The following SMCHD1 variants were observed in gnomAD, a reference collection of about 807,000 sequenced individuals.
The protein encoded by SMCHD1 is structural maintenance of chromosomes flexible hinge domain-containing protein 1.
A neutral mutation model predicts 254.7 loss-of-function variants in SMCHD1; 78 were observed. That is an observed-to-expected ratio of 0.31 (90% CI 0.26 to 0.37). The LOEUF is 0.37. Among genes scored for constraint, SMCHD1 ranks in the 10% least tolerant of loss-of-function variants. SMCHD1 has a pLI of 1.00. For synonymous variants in SMCHD1, 766 were observed against 794.9 expected, an observed-to-expected ratio of 0.96 and a Z score of 0.61; for missense variants, 1,840 against 2,408.1, an observed-to-expected ratio of 0.76 and a Z score of 4.94.
Position 2,738,395 on chromosome 18 carries a change from A to G in SMCHD1, c.3277-2A>G, listed in dbSNP as rs2075289917. The G allele has an allele frequency of 6.3e-7, 1 of 1,585,048 alleles. No individual in the cohort carries two copies. The highest frequency in any genetic ancestry group is 1.4e-5 in the African/African-American group (1 of 73,792). On this transcript the variant is annotated splice_acceptor_variant, in intron 25 of 47. Coordinates refer to ENST00000320876, the MANE Select transcript of SMCHD1 (RefSeq NM_015295.3). LOFTEE classifies it high-confidence loss of function. ...ATTGTTAAATATCTCTTTTTCTCCT[A>G]GGTTAATTGGACTCCTGAGATTAAC... is the stretch of plus-strand genomic sequence containing the variant.
intron 13 of SMCHD1, among the ~76,000 whole-genome samples, 185 bp from the exon 14 acceptor site, chr18:2,705,509 T>C (rs1248080508): frequency 6.6e-6 from 1 of 152,168 alleles, no homozygotes; most frequent in Non-Finnish European, 1.5e-5. Context: ...ATTTGTTAAG[T>C]ACAGAACTTC....
At chr18:2,762,284 A>G (rs753839163) in intron 36 of SMCHD1, 48 bp downstream of exon 36, 2 of 1,588,642 alleles carry the variant, frequency 1.3e-6, no homozygotes, top group Admixed American at 1.7e-5. Context: ...AAGAAAAATT[A>G]TCTTTGATTT....
chr18:2,718,011 T>C lies in SMCHD1; in HGVS notation c.2261-147T>C, dbSNP rs545930860. On this transcript the variant is annotated intron_variant, in intron 17 of 47. Coordinates refer to ENST00000320876, the MANE Select transcript of SMCHD1 (RefSeq NM_015295.3). The surrounding 1 kb of genome is among the most constrained non-coding windows in gnomAD (Gnocchi z 4.6). Reference sequence around the variant, plus strand: ...TTAACTATTATTATTGCTGTTCACTTTCATAGGATAGTGTTAGATCTTTTG... The same window carrying C: ...TTAACTATTATTATTGCTGTTCACTCTCATAGGATAGTGTTAGATCTTTTG... 124 of 582,642 alleles carry C rather than the reference T, an allele frequency of 2.1e-4. 1 individual carries two copies. The Admixed American group carries it at 3.7e-3, about 17-fold the overall frequency. 36.1% of individuals were successfully genotyped at this position (582,642 alleles called of 1,614,324 possible). A position where few individuals can be genotyped will look rare whatever the true frequency, so the allele number is the denominator to read the frequency against.
At chr18:2,775,454 T>G (rs554870618) in intron 41 of SMCHD1, among the ~76,000 whole-genome samples, 43 of 152,250 alleles carry the variant, frequency 2.8e-4, no homozygotes, top group African/African-American at 9.4e-4. Context: ...TCTAATTATT[T>G]CATCCCTGAA....
At chr18:2,794,984 G>C (rs1451195762) in intron 45 of SMCHD1, among the ~76,000 whole-genome samples, 1 of 151,516 alleles carries the variant, frequency 6.6e-6, no homozygotes, top group East Asian at 1.9e-4. Flanking sequence ...TTTAAGAAAA[G>C]TTAAGTTTTT....
intron 44 of SMCHD1, among the ~76,000 whole-genome samples, chr18:2,782,764 A>AACAAAAAC (rs1568380245): frequency 2.0e-5 from 3 of 150,568 alleles, no homozygotes; most frequent in African/African-American, 7.4e-5. Flanking sequence ...AAAAAAAAAA[A>AACAAAAAC]AAAAAAAAGA....
At chr18:2,741,494 C>T in intron 28 of SMCHD1, among the ~76,000 whole-genome samples, 1 of 152,146 alleles carries the variant, frequency 6.6e-6, no homozygotes, top group East Asian at 1.9e-4. Flanking sequence ...TACACTTTTT[C>T]TTAACAGAGC....
chr18:2,760,815 G>GAAAT, intron 35 of SMCHD1, 76 bp downstream of exon 35: 1 of 714,526 alleles, frequency 1.4e-6, no homozygotes, highest in East Asian at 2.7e-5. Context: ...TGCATTACAT[G>GAAAT]AAATAGCTTC....
Position 2,678,850 on chromosome 18 carries a change from TTTTTG to T in SMCHD1, c.638+4710_638+4714del, listed in dbSNP as rs1568118387. 1.9e-3 allele frequency among the ~76,000 whole-genome samples: 21 copies of T among 11,280 alleles called. No homozygotes were observed. In the Admixed American group the frequency reaches 0.034, roughly 18 times the overall value. The allele number at this position is 11,280 out of a possible 152,430, so 7.4% of individuals were successfully genotyped here. On this transcript the variant is annotated intron_variant, in intron 5 of 47. Coordinates refer to ENST00000320876, the MANE Select transcript of SMCHD1 (RefSeq NM_015295.3). ...TTTTTTTTTTTTTTGTTTGTTTGTT[TTTTTG>T]TTTTTTTTTTTGAGAGGGAGTCTTG...
intron 25 of SMCHD1, among the ~76,000 whole-genome samples, chr18:2,737,963 A>G (rs889363958): frequency 6.6e-6 from 1 of 152,232 alleles, no homozygotes; most frequent in Non-Finnish European, 1.5e-5. Context: ...CCAGAAAGTT[A>G]GATCAAACTT....
chr18:2,795,890 A>G, intron 45 of SMCHD1, 59 bp from the exon 46 acceptor site: 1 of 1,457,144 alleles, frequency 6.9e-7, no homozygotes, highest in Non-Finnish European at 9.2e-7. Context: ...TTTTTCCCCT[A>G]AAACATGAGT....
intron 7 of SMCHD1, among the ~76,000 whole-genome samples, chr18:2,693,365 A>T (rs2074220437): frequency 6.6e-6 from 1 of 152,212 alleles, no homozygotes; most frequent in Non-Finnish European, 1.5e-5. Flanking sequence ...ACAAACTTAG[A>T]TGGCATAGCC....
At chr18:2,764,738 G>A (rs182693255) in intron 37 of SMCHD1, among the ~76,000 whole-genome samples, 6 of 152,240 alleles carry the variant, frequency 3.9e-5, no homozygotes, top group Non-Finnish European at 8.8e-5. Context: ...ATGTGCATAG[G>A]CTGTATGCAA....
rs181151290 is a variant in SMCHD1 at position 2,768,344 on chromosome 18, A to T, written c.4720-1350A>T. Among the ~76,000 whole-genome samples, 642 of 152,144 alleles carry T rather than the reference A, an allele frequency of 4.2e-3. 4 individuals are homozygous for T. Among genetic ancestry groups the T allele is most frequent in the African/African-American group, 0.015 (619 of 41,524 alleles). On this transcript the variant is annotated intron_variant, in intron 37 of 47. Transcript: ENST00000320876. ...TTTTAATTCCCCTTTTTAGAAAAAA[A>T]TATGATTGATATTAAATGTTGGCCA... is the stretch of plus-strand genomic sequence containing the variant.
In SMCHD1 at chr18:2,698,006, G is replaced by A; in HGVS notation, c.1307G>A (p.Arg436Lys). Residue 436 changes from arginine to lysine, a missense_variant, in exon 10 of 48, where the codon AGA becomes AAA. Around this residue, in one of 9 missense-constraint regions of SMCHD1, gnomAD observed 498 missense variants for 743.5 expected, o/e 0.67. Transcript: ENST00000320876. ...CGTTATCATCCATTCTTATATGATA[G>A]AGAAACTTACCCTGATGATCCATGC... is the stretch of plus-strand genomic sequence containing the variant. The part of the protein sequence containing the change: ...IIRYHPFLYD[R>K]ETYPDDPCFP... 6 of 1,613,290 alleles carry A rather than the reference G, an allele frequency of 3.7e-6. No individual in the cohort carries two copies. Among genetic ancestry groups the A allele is most frequent in the Non-Finnish European group, 4.2e-6 (5 of 1,179,420 alleles).
chr18:2,687,485 G>A (rs2074078800), intron 5 of SMCHD1, among the ~76,000 whole-genome samples: 1 of 151,976 alleles, frequency 6.6e-6, no homozygotes, highest in Non-Finnish European at 1.5e-5. Flanking sequence ...TTATCTCTTA[G>A]TCTATTTTCT....
chr18:2,736,364 C>T (rs1348438805), intron 25 of SMCHD1, among the ~76,000 whole-genome samples: 1 of 152,134 alleles, frequency 6.6e-6, no homozygotes, highest in Non-Finnish European at 1.5e-5. Flanking sequence ...GAATTTATGA[C>T]CAAGTCCCCA....
At chr18:2,746,326 G>T (rs1158136464) in intron 29 of SMCHD1, among the ~76,000 whole-genome samples, 2 of 152,170 alleles carry the variant, frequency 1.3e-5, no homozygotes, top group African/African-American at 4.8e-5. Flanking sequence ...AACATTAGCA[G>T]TTTGGACTAC....
Position 2,728,466 on chromosome 18 carries a change from G to A in SMCHD1, c.2783G>A (p.Arg928His), listed in dbSNP as rs1160353418. The change falls in exon 23 of 48, where the codon CGT becomes CAT. Residue 928 changes from arginine (R) to histidine (H), a missense_variant. By Grantham distance (29) the Arg-to-His change is conservative. This residue lies in a region of SMCHD1 where 881 missense variants were observed against 1,009.5 expected (regional missense o/e 0.87). Coordinates refer to ENST00000320876, the MANE Select transcript of SMCHD1 (RefSeq NM_015295.3). ...LKIRLLPGHP[R>H]RLKVKPDSEI... ...TATAATTTACTGTTAGGTCACCCTC[G>A]TCGACTGAAAGTGAAACCTGATTCT... 8 of 1,612,152 alleles carry A rather than the reference G, an allele frequency of 5.0e-6. No individual in the cohort carries two copies. The highest frequency in any genetic ancestry group is 1.3e-5 in the African/African-American group (1 of 74,808).
Sources: gnomAD v4.1 joint callset for allele counts (sites outside exome capture counted in the v4.1 genomes callset) on GRCh38, gnomAD v4.1.1 for gene constraint, gnomAD v4.1.1 regional missense constraint, Gnocchi (gnomAD v3.1) non-coding constraint, MANE v1.5 for transcripts, NCBI Gene and HGNC (gene_info 2026-07-23, HGNC 2026-07-21) for gene names.